Variants in DPP10 observed in about 807,000 individuals in gnomAD.
DPP10 encodes inactive dipeptidyl peptidase 10.
In DPP10, 33 loss-of-function variants were observed where a neutral mutation model predicts 120.9. The ratio of observed to expected loss-of-function variants is 0.27; its 90% CI spans 0.21 to 0.37. DPP10 has a LOEUF of 0.37. Among genes scored for constraint, DPP10 ranks in the 10% least tolerant of loss-of-function variants. The probability of loss-of-function intolerance (pLI) is 1.00; values close to 1 mark genes in which losing one functional copy is unlikely to be tolerated. For synonymous variants in DPP10, 337 were observed against 326.1 expected (o/e 1.03, Z -0.36); for missense variants, 816 against 942.8 (o/e 0.87, Z 1.76).
chr2:114,554,960 C>T (rs962874752), intron 1 of DPP10, among the ~76,000 whole-genome samples: 9 of 152,152 alleles, frequency 5.9e-5, no homozygotes, highest in South Asian at 2.1e-4. Flanking sequence ...GCAGTGTCCA[C>T]GGGCTGCTGG....
chr2:114,813,941 A>AACACACGC, intron 1 of DPP10, among the ~76,000 whole-genome samples: 1 of 139,480 alleles, frequency 7.2e-6, no homozygotes, highest in Non-Finnish European at 1.6e-5. Context: ...GGCACGCATG[A>AACACACGC]ACACACACAC....
chr2:115,471,926 G>A (rs150661470), intron 3 of DPP10, among the ~76,000 whole-genome samples: 216 of 152,004 alleles, frequency 1.4e-3, no homozygotes, highest in Non-Finnish European at 2.8e-3. Flanking sequence ...GCCAGACCAG[G>A]ATTCTTTCAA....
intron 1 of DPP10, among the ~76,000 whole-genome samples, chr2:115,187,269 C>A (rs952845934): frequency 5.9e-5 from 9 of 151,624 alleles, no homozygotes; most frequent in Non-Finnish European, 1.0e-4. Flanking sequence ...ATCTCCTGAC[C>A]TCATGATCCA....
At chr2:115,378,850 A>G (rs2106449798) in intron 3 of DPP10, among the ~76,000 whole-genome samples, 1 of 152,262 alleles carries the variant, frequency 6.6e-6, no homozygotes, top group African/African-American at 2.4e-5. Context: ...ATGCTGGATT[A>G]CTTTTATTGA....
intron 1 of DPP10, among the ~76,000 whole-genome samples, chr2:115,270,815 T>TG (rs1335530767): frequency 4.6e-5 from 7 of 152,318 alleles, no homozygotes; most frequent in African/African-American, 1.4e-4. Flanking sequence ...CTCGAGGTAG[T>TG]GTTCCAGGAA....
intron 3 of DPP10, among the ~76,000 whole-genome samples, chr2:115,380,117 C>A (rs964201697): frequency 1.5e-4 from 23 of 152,096 alleles, no homozygotes; most frequent in African/African-American, 4.3e-4. Context: ...TGTTGACTTT[C>A]TGTCTCGTTG....
chr2:115,390,303 G>C (rs1398237052), intron 3 of DPP10, among the ~76,000 whole-genome samples: 1 of 152,188 alleles, frequency 6.6e-6, no homozygotes, highest in Non-Finnish European at 1.5e-5. Flanking sequence ...GCTAAGCTGA[G>C]ATAATTACCA....
chr2:114,635,324 T>C (rs1193598036), intron 1 of DPP10, among the ~76,000 whole-genome samples: 1 of 151,920 alleles, frequency 6.6e-6, no homozygotes, highest in East Asian at 1.9e-4. Flanking sequence ...GAGGGAAATG[T>C]AGTTGAGCAC....
At chr2:114,934,201 A>G (rs554319988) in intron 1 of DPP10, among the ~76,000 whole-genome samples, 9 of 152,136 alleles carry the variant, frequency 5.9e-5, no homozygotes, top group Non-Finnish European at 1.3e-4. Flanking sequence ...TAAGGATGTG[A>G]AGTTCAGGCT....
At chr2:115,048,728 T>C (rs991228141) in intron 1 of DPP10, among the ~76,000 whole-genome samples, 8 of 152,104 alleles carry the variant, frequency 5.3e-5, no homozygotes, top group Non-Finnish European at 8.8e-5. Context: ...TCTCCTCTTC[T>C]TCATATATGT....
intron 1 of DPP10, among the ~76,000 whole-genome samples, chr2:114,592,392 G>A (rs12999482): frequency 0.075 from 11,484 of 152,178 alleles, 590 homozygotes; most frequent in South Asian, 0.11. Context: ...ATTTATTTGA[G>A]GGAGGTCAGC....
At chr2:115,195,229 G>A (rs2055175919) in intron 1 of DPP10, among the ~76,000 whole-genome samples, 1 of 152,170 alleles carries the variant, frequency 6.6e-6, no homozygotes, top group Admixed American at 6.5e-5. Context: ...TTAAGATCAT[G>A]TGATCTTTGC....
At chr2:115,334,325 C>T (rs76560706) in intron 2 of DPP10, among the ~76,000 whole-genome samples, 7,334 of 143,548 alleles carry the variant, frequency 0.051, 207 homozygotes, top group South Asian at 0.087. Context: ...AAGGAAATCC[C>T]TAGTATGCCA....
intron 1 of DPP10, among the ~76,000 whole-genome samples, chr2:114,751,893 G>T (rs1054429973): frequency 2.0e-5 from 3 of 152,040 alleles, no homozygotes; most frequent in Non-Finnish European, 2.9e-5. Context: ...CTTACCAGTC[G>T]CCCGGGATTT....
At chr2:115,677,837 C>T (rs1224592074) in intron 5 of DPP10, among the ~76,000 whole-genome samples, 1 of 152,132 alleles carries the variant, frequency 6.6e-6, no homozygotes, top group Non-Finnish European at 1.5e-5. Flanking sequence ...ACTTTAACGC[C>T]TGACTCTAAG....
At chr2:115,762,634 AT>A in intron 12 of DPP10, 24 bp downstream of exon 12, 1 of 1,612,212 alleles carries the variant, frequency 6.2e-7, no homozygotes, top group Non-Finnish European at 8.5e-7. Context: ...GGTCTGTCAC[AT>A]CTTGGCCATT....
chr2:114,588,618 A>C (rs1032049909), intron 1 of DPP10, among the ~76,000 whole-genome samples: 3 of 152,234 alleles, frequency 2.0e-5, no homozygotes, highest in Non-Finnish European at 4.4e-5. Context: ...TATGTATACC[A>C]TAAATATGTA....
At position 115,563,750 on chromosome 2, in the gene DPP10, A is replaced by G. The variant is rs140053817; in HGVS notation, c.441+37778A>G. Among the ~76,000 whole-genome samples, 373 of 152,366 alleles carry G rather than the reference A, an allele frequency of 2.4e-3. 4 individuals carry two copies. Among genetic ancestry groups the G allele is most frequent in the African/African-American group, 8.3e-3 (347 of 41,584 alleles). ...ATCAAAGTAACAAGATGCTTAAGCC[A>G]TTTTGACAGAAAATAGCAAATATGT... is the stretch of plus-strand genomic sequence containing the variant. On this transcript the variant is annotated intron_variant, in intron 5 of 25. Transcript: ENST00000410059.
At chr2:115,338,998 A>G (rs2063307252) in intron 2 of DPP10, among the ~76,000 whole-genome samples, 1 of 152,294 alleles carries the variant, frequency 6.6e-6, no homozygotes, top group African/African-American at 2.4e-5. Context: ...AACATTTTCT[A>G]AAGAGGGTGA....
Sources: gnomAD v4.1 joint callset for allele counts (sites outside exome capture counted in the v4.1 genomes callset) on GRCh38, gnomAD v4.1.1 for gene constraint, MANE v1.5 for transcripts, NCBI Gene and HGNC (gene_info 2026-07-23, HGNC 2026-07-21) for gene names.